The following ARHGAP42 variants were observed in gnomAD, a reference collection of about 807,000 sequenced individuals.
ARHGAP42 encodes the protein rho GTPase-activating protein 42.
A neutral mutation model predicts 125.0 loss-of-function variants in ARHGAP42; 63 were observed. That is an observed-to-expected ratio of 0.50 (90% CI 0.41 to 0.62). The LOEUF (loss-of-function observed/expected upper bound fraction) is 0.62. ARHGAP42 is among the 20% of genes least tolerant of loss of function. The pLI is 0.00. For synonymous variants in ARHGAP42, 339 were observed against 351.0 expected (o/e 0.97, Z 0.38); for missense variants, 766 against 1,024.2 (o/e 0.75, Z 3.44).
In ARHGAP42 at chr11:100,739,862, C is replaced by A. The variant is rs1007193133; in HGVS notation, c.155-30481C>A. ...CCGCATTCATTCCTGACATACCCCA[C>A]CCCCAACACACACAACTGCTGAGTG... is the stretch of plus-strand genomic sequence containing the variant. On this transcript the variant is annotated intron_variant, in intron 1 of 23. Transcript: ENST00000298815. Among the ~76,000 whole-genome samples, 5 of 152,246 alleles carry A rather than the reference C, an allele frequency of 3.3e-5. No homozygotes were observed. The East Asian group carries it at 7.7e-4, about 24-fold the overall frequency.
Position 100,965,772 on chromosome 11 carries a change from G to T in ARHGAP42, c.1546G>T (p.Val516Phe). 6.5e-7 allele frequency: 1 copy of T among 1,549,210 alleles called. No individual in the cohort carries two copies. The highest frequency in any genetic ancestry group is 8.7e-7 in the Non-Finnish European group (1 of 1,145,018). The change falls in exon 17 of 24, where the codon GTC becomes TTC. Residue 516 changes from valine to phenylalanine, a missense_variant. Transcript: ENST00000298815. ...GCTGGACATCTTAATAAAGCATCTG[G>T]TCAAGTAATTCTCTAACTTACATTG... Reference protein sequence around the residue: ...EMLDILIKHLVKVSLHSQQNL... With the variant: ...EMLDILIKHLFKVSLHSQQNL...
At chr11:100,864,716 A>G (rs901485747) in intron 4 of ARHGAP42, among the ~76,000 whole-genome samples, 1 of 152,166 alleles carries the variant, frequency 6.6e-6, no homozygotes, top group Non-Finnish European at 1.5e-5. Flanking sequence ...TACTCCCTAG[A>G]GCAACTCTGT....
intron 4 of ARHGAP42, among the ~76,000 whole-genome samples, chr11:100,891,677 A>T (rs550391125): frequency 6.6e-6 from 1 of 152,286 alleles, no homozygotes; most frequent in South Asian, 2.1e-4. Context: ...TCCTGACCTC[A>T]GGTGATCCAC....
In ARHGAP42 at chr11:100,698,636, G is replaced by T. The variant is rs549495747; in HGVS notation, c.154+10804G>T. Among the ~76,000 whole-genome samples, 4 of 152,234 alleles carry T rather than the reference G, an allele frequency of 2.6e-5. No individual in the cohort carries two copies. The South Asian group carries it at 6.2e-4, about 24-fold the overall frequency. On this transcript the variant is annotated intron_variant, in intron 1 of 23. Coordinates refer to ENST00000298815, the MANE Select transcript of ARHGAP42 (RefSeq NM_152432.4). ...GCGGAAGTTGCGGTGAGCCCAGATC[G>T]TGCCATTGTACTCTAGACAATGTAC...
intron 1 of ARHGAP42, among the ~76,000 whole-genome samples, chr11:100,746,799 A>G (rs1230462953): frequency 6.6e-6 from 1 of 152,216 alleles, no homozygotes; most frequent in Non-Finnish European, 1.5e-5. Context: ...AGTGGTAGGA[A>G]TAGTAATGGA....
chr11:100,958,535 A>G (rs1857868404), intron 12 of ARHGAP42, among the ~76,000 whole-genome samples: 1 of 151,910 alleles, frequency 6.6e-6, no homozygotes, highest in Non-Finnish European at 1.5e-5. Context: ...ACACACACAT[A>G]TATATACACA....
chr11:100,943,897 T>C (rs1225474593), intron 10 of ARHGAP42, 29 bp downstream of exon 10: 9 of 1,383,372 alleles, frequency 6.5e-6, no homozygotes, highest in African/African-American at 1.4e-5. Flanking sequence ...ACTTTATTTT[T>C]TTCATAAGCT....
intron 20 of ARHGAP42, 41 bp downstream of exon 20, chr11:100,976,478 G>A: frequency 6.7e-7 from 1 of 1,482,608 alleles, no homozygotes; most frequent in Non-Finnish European, 8.9e-7. Flanking sequence ...CATTGTCTCA[G>A]TGTCACTTGT....
At chr11:100,926,510 T>A (rs1867428188) in intron 6 of ARHGAP42, among the ~76,000 whole-genome samples, 1 of 152,158 alleles carries the variant, frequency 6.6e-6, no homozygotes, top group Admixed American at 6.5e-5. Flanking sequence ...TAGAAGAAAA[T>A]AAGAGGTTTA....
intron 3 of ARHGAP42, among the ~76,000 whole-genome samples, chr11:100,848,773 A>T (rs1865132081): frequency 6.6e-6 from 1 of 152,092 alleles, no homozygotes; most frequent in Non-Finnish European, 1.5e-5. Context: ...CCCAAAATGT[A>T]ACTTTTCTTT....
chr11:100,726,834 G>A lies in ARHGAP42; in HGVS notation c.154+39002G>A, dbSNP rs143883588. Reference sequence around the variant, plus strand: ...CACTCAGTTGGGTGAACTTCTCTGTGGTGCTTTCTTTTTGCAATTACATCC... The same window carrying A: ...CACTCAGTTGGGTGAACTTCTCTGTAGTGCTTTCTTTTTGCAATTACATCC... On this transcript the variant is annotated intron_variant, in intron 1 of 23. Coordinates refer to ENST00000298815, the MANE Select transcript of ARHGAP42 (RefSeq NM_152432.4). Among the ~76,000 whole-genome samples the A allele has an allele frequency of 3.3e-5, 5 of 152,238 alleles. No homozygotes were observed. The East Asian group carries it at 9.6e-4, about 29-fold the overall frequency.
chr11:100,804,632 C>G (rs1164012379), intron 3 of ARHGAP42, among the ~76,000 whole-genome samples: 2 of 151,488 alleles, frequency 1.3e-5, no homozygotes, highest in Non-Finnish European at 2.9e-5. Context: ...GCAACCTCAG[C>G]CTCCCGAGTA....
rs77199257 is a variant in ARHGAP42, at chr11:100,936,751, T to C, written c.832+419T>C. On this transcript the variant is annotated intron_variant, in intron 8 of 23. Transcript: ENST00000298815. ...TTTTCAGGCATATAATTGGTAATCA[T>C]GGTAATGTCAAATTGGCGCTCTTTA... 1.2e-4 allele frequency among the ~76,000 whole-genome samples: 18 copies of C among 152,298 alleles called. No individual in the cohort carries two copies. In the East Asian group the frequency reaches 3.5e-3, roughly 29 times the overall value.
chr11:100,843,708 A>C (rs1032668739), intron 3 of ARHGAP42, among the ~76,000 whole-genome samples: 2 of 151,938 alleles, frequency 1.3e-5, no homozygotes, highest in Non-Finnish European at 2.9e-5. Context: ...TTACAATAGC[A>C]GGAAAAAAAA....
intron 1 of ARHGAP42, among the ~76,000 whole-genome samples, chr11:100,735,495 ATCT>A (rs758161150): frequency 7.2e-5 from 11 of 152,078 alleles, no homozygotes; most frequent in East Asian, 1.9e-4. Context: ...ACTTTAAGTC[ATCT>A]TCTTTCTTTG....
At chr11:100,901,343 C>G (rs1034753435) in intron 4 of ARHGAP42, among the ~76,000 whole-genome samples, 2 of 152,200 alleles carry the variant, frequency 1.3e-5, no homozygotes, top group Non-Finnish European at 2.9e-5. Context: ...TGGAAGGTGT[C>G]TCCCAATTAG....
At chr11:100,914,719 A>G (rs79791771) in intron 5 of ARHGAP42, among the ~76,000 whole-genome samples, 10,103 of 152,206 alleles carry the variant, frequency 0.066, 479 homozygotes, top group East Asian at 0.25. Flanking sequence ...GTTGTAGTCC[A>G]GAGCCTCTCT....
At chr11:100,973,582 A>G (rs559866054) in intron 18 of ARHGAP42, among the ~76,000 whole-genome samples, 6 of 152,304 alleles carry the variant, frequency 3.9e-5, no homozygotes, top group African/African-American at 1.4e-4. Context: ...GCTCCTGTGC[A>G]GAGAACATTT....
rs563329594 is a variant in ARHGAP42, at chr11:100,938,240, C to A, written c.832+1908C>A. Among the ~76,000 whole-genome samples the A allele has an allele frequency of 2.0e-5, 3 of 152,148 alleles. No homozygotes were observed. The East Asian group carries it at 5.8e-4, about 30-fold the overall frequency. The stretch of plus-strand genomic sequence containing the variant: ...CAACTGCCTTCGCCCAGGTGAGACC[C>A]TTGCAGTGACCTCCTAACTGTTCAC... On this transcript the variant is annotated intron_variant, in intron 8 of 23. Coordinates refer to ENST00000298815, the MANE Select transcript of ARHGAP42 (RefSeq NM_152432.4).
Sources: allele counts gnomAD v4.1 joint callset (sites outside exome capture counted in the v4.1 genomes callset), GRCh38; gene constraint gnomAD v4.1.1; transcripts MANE v1.5; gene names NCBI Gene and HGNC (gene_info 2026-07-23, HGNC 2026-07-21).